Variants in ZNF106 observed in about 807,000 individuals in gnomAD.
The protein encoded by ZNF106 is zinc finger protein 106.
Under a neutral mutation model 195.1 loss-of-function variants are expected in ZNF106, and 67 were observed. The observed-to-expected ratio is 0.34, with a 90% CI of 0.28 to 0.42. The LOEUF (loss-of-function observed/expected upper bound fraction) is 0.42. ZNF106 is among the 10% of genes least tolerant of loss of function. The pLI is 1.00. For synonymous variants in ZNF106, 784 were observed against 818.6 expected (o/e 0.96, Z 0.72); for missense variants, 2,118 against 2,304.5 (o/e 0.92, Z 1.66).
intron 1 of ZNF106, among the ~76,000 whole-genome samples, chr15:42,488,876 A>G (rs1226578136): frequency 6.6e-6 from 1 of 152,118 alleles, no homozygotes; most frequent in Admixed American, 6.5e-5. Flanking sequence ...CAGGAGTTCA[A>G]GACCAGCCCA....
At position 42,418,910 on chromosome 15, in the gene ZNF106, G is replaced by A. The variant is rs1384764561; in HGVS notation, c.5518-959C>T. Among the ~76,000 whole-genome samples, 5 of 151,748 alleles carry A rather than the reference G, an allele frequency of 3.3e-5. 1 individual carries two copies. The South Asian group carries it at 1.0e-3, about 32-fold the overall frequency. On this transcript the variant is annotated intron_variant, in intron 20 of 21. Transcript: ENST00000564754. ...AAACGTGGCTTAATTTCATGTATTA[G>A]AAAGCATAAGCTAGTGTCTTATGCT... is the stretch of plus-strand genomic sequence containing the variant.
intron 2 of ZNF106, among the ~76,000 whole-genome samples, chr15:42,468,795 T>C (rs939759518): frequency 2.0e-5 from 3 of 152,052 alleles, no homozygotes; most frequent in African/African-American, 7.2e-5. Context: ...ACATGACCTC[T>C]TCTAGCCACA....
rs186481848 is a variant in ZNF106 at position 42,421,432 on chromosome 15, T to C, written c.5446-300A>G. Among the ~76,000 whole-genome samples, 528 of 152,314 alleles carry C rather than the reference T, an allele frequency of 3.5e-3. 6 individuals are homozygous for C. Among genetic ancestry groups the C allele is most frequent in the Middle Eastern group, 6.8e-3 (2 of 294 alleles). On this transcript the variant is annotated intron_variant, in intron 19 of 21. Transcript: ENST00000564754. ...GCCCTGGTTTCTATCGGGTGCTCTA[T>C]GTTAGGCACCTGTATTTCCCTGGAA...
At chr15:42,437,918 A>G (rs920388086) in intron 12 of ZNF106, among the ~76,000 whole-genome samples, 1 of 151,922 alleles carries the variant, frequency 6.6e-6, no homozygotes, top group Admixed American at 6.6e-5. Flanking sequence ...AAAAAAAAAA[A>G]AGAAAAAGAG....
intron 3 of ZNF106, among the ~76,000 whole-genome samples, chr15:42,465,194 C>A (rs1246392284): frequency 1.3e-5 from 2 of 152,148 alleles, no homozygotes; most frequent in Admixed American, 1.3e-4. Context: ...AGCCACTGCA[C>A]CTGGCCTACA....
At chr15:42,457,697 G>A in intron 3 of ZNF106, 1 of 265,442 alleles carries the variant, frequency 3.8e-6, no homozygotes, top group Non-Finnish European at 5.9e-6. Context: ...CGGACCCCAG[G>A]AGTAGTCCAG....
chr15:42,460,967 T>G (rs957702296), intron 3 of ZNF106, among the ~76,000 whole-genome samples: 1 of 149,982 alleles, frequency 6.7e-6, no homozygotes. Context: ...TGCAAGAAAC[T>G]TCAAAAAAAA....
intron 10 of ZNF106, among the ~76,000 whole-genome samples, chr15:42,441,006 T>A (rs1425376443): frequency 1.4e-3 from 25 of 18,198 alleles, no homozygotes; most frequent in African/African-American, 4.5e-3. Flanking sequence ...AAAATATATA[T>A]ATATATATAT....
intron 3 of ZNF106, among the ~76,000 whole-genome samples, chr15:42,459,224 C>G (rs1054536869): frequency 6.6e-6 from 1 of 152,112 alleles, no homozygotes. Flanking sequence ...ACCTGTAATT[C>G]CAGCACTTTG....
At chr15:42,429,406 T>C in intron 14 of ZNF106, among the ~76,000 whole-genome samples, 1 of 151,174 alleles carries the variant, frequency 6.6e-6, no homozygotes, top group East Asian at 2.0e-4. Flanking sequence ...GTCACCACAC[T>C]CCAGCCTGGG....
intron 1 of ZNF106, among the ~76,000 whole-genome samples, chr15:42,475,763 G>A (rs1324057727): frequency 6.6e-6 from 1 of 152,134 alleles, no homozygotes; most frequent in Non-Finnish European, 1.5e-5. Flanking sequence ...TCTAAGGGTT[G>A]GAGAAATTGG....
At chr15:42,447,177 G>C (rs1307594972) in intron 6 of ZNF106, among the ~76,000 whole-genome samples, 1 of 152,168 alleles carries the variant, frequency 6.6e-6, no homozygotes, top group Non-Finnish European at 1.5e-5. Flanking sequence ...TTTGAAGCAA[G>C]TCTAAAATTC....
intron 3 of ZNF106, among the ~76,000 whole-genome samples, chr15:42,457,979 A>C (rs1046637805): frequency 1.3e-5 from 2 of 152,178 alleles, no homozygotes; most frequent in Non-Finnish European, 2.9e-5. Flanking sequence ...CCAGTCTTGA[A>C]TCAGTGTCCA....
At chr15:42,432,648 G>C (rs1301782674) in intron 14 of ZNF106, among the ~76,000 whole-genome samples, 1 of 151,258 alleles carries the variant, frequency 6.6e-6, no homozygotes, top group Non-Finnish European at 1.5e-5. Flanking sequence ...CAAAGCAGGA[G>C]GACTGCTTGT....
rs751414876 is a variant in ZNF106, at chr15:42,442,296, T to C, written c.3540A>G (p.Pro1180=). 2 of 1,613,896 alleles carry C rather than the reference T, an allele frequency of 1.2e-6. No individual in the cohort carries two copies. The highest frequency in any genetic ancestry group is 1.6e-4 in the Middle Eastern group (1 of 6,062). Residue 1180 remains proline, a synonymous_variant, in exon 10 of 22, where the codon CCA becomes CCG. Transcript: ENST00000564754. The part of the protein sequence containing the change: ...DAALLPTPFF[P]LFLEPPSSHV... ...GGGAAGATGGAGGCTCCAGAAAAAG[T>C]GGGAAAAAGGGAGTGGGCAGCAGTG...
rs575123936 is a variant in ZNF106, at chr15:42,471,361, C to T, written c.54+875G>A. Among the ~76,000 whole-genome samples the T allele has an allele frequency of 3.3e-5, 5 of 152,260 alleles. No homozygotes were observed. The South Asian group carries it at 8.3e-4, about 25-fold the overall frequency. ...AATTCCTCAGTATTTAAACTAGCAG[C>T]ACTACTCTGAAAGCAAATGATAAAG... On this transcript the variant is annotated intron_variant, in intron 2 of 21. Transcript: ENST00000564754.
intron 3 of ZNF106, among the ~76,000 whole-genome samples, chr15:42,462,319 C>T (rs1317747157): frequency 1.6e-4 from 24 of 152,210 alleles, no homozygotes; most frequent in Admixed American, 1.5e-3. Flanking sequence ...ATGTATAGGC[C>T]AGGCGCGGTG....
rs139563535 is a variant in ZNF106, at chr15:42,455,196, G to A, written c.317+1762C>T. Among the ~76,000 whole-genome samples, 8 of 152,248 alleles carry A rather than the reference G, an allele frequency of 5.3e-5. No homozygotes were observed. In the East Asian group the frequency reaches 1.2e-3, roughly 22 times the overall value. On this transcript the variant is annotated intron_variant, in intron 4 of 21. Transcript: ENST00000564754. ...AAGAACCATGTGGTTTGAGTGTCCC[G>A]TATCTGAAATGCTTGGGACCAGAAA... is the stretch of plus-strand genomic sequence containing the variant.
At chr15:42,456,813 G>T in intron 4 of ZNF106, 145 bp downstream of exon 4, 1 of 721,792 alleles carries the variant, frequency 1.4e-6, no homozygotes, top group Non-Finnish European at 2.3e-6. Flanking sequence ...ACATTCCATT[G>T]CCCTTTGATT....
Sources: gnomAD v4.1 joint callset for allele counts (sites outside exome capture counted in the v4.1 genomes callset) on GRCh38, gnomAD v4.1.1 for gene constraint, MANE v1.5 for transcripts, NCBI Gene and HGNC (gene_info 2026-07-23, HGNC 2026-07-21) for gene names.